Variants in MALRD1 observed in about 807,000 individuals in gnomAD.
The protein encoded by MALRD1 is MAM and LDL-receptor class A domain-containing protein 1.
A neutral mutation model predicts 242.1 loss-of-function variants in MALRD1; 247 were observed. The observed-to-expected ratio is 1.02, with a 90% CI of 0.92 to 1.13. The LOEUF is 1.13. Among genes scored for constraint, MALRD1 ranks in the 50% most tolerant of loss-of-function variants. The pLI is 0.00. For synonymous variants in MALRD1, 995 were observed against 866.6 expected, an observed-to-expected ratio of 1.15 and a Z score of -2.60; for missense variants, 2,989 against 2,533.1, an observed-to-expected ratio of 1.18 and a Z score of -3.86.
At chr10:19,121,028 G>A (rs1431407908) in intron 5 of MALRD1, among the ~76,000 whole-genome samples, 2 of 147,946 alleles carry the variant, frequency 1.4e-5, no homozygotes, top group Admixed American at 6.7e-5. Flanking sequence ...ACAGGCGTGA[G>A]CCACTGTGCC....
At position 19,547,993 on chromosome 10, in the gene MALRD1, C is replaced by CTTT. The variant is rs765509925; in HGVS notation, c.5478+16664_5478+16666dup. 2.2e-3 allele frequency among the ~76,000 whole-genome samples: 144 copies of CTTT among 65,782 alleles called. 2 individuals carry two copies. The highest frequency in any genetic ancestry group is 5.5e-3 in the African/African-American group (60 of 10,962). The allele number at this position is 65,782 out of a possible 152,430, so 43.2% of individuals were successfully genotyped here. A position where few individuals can be genotyped will look rare whatever the true frequency, so the allele number is the denominator to read the frequency against. On this transcript the variant is annotated intron_variant, in intron 32 of 39. Transcript: ENST00000454679. ...TTCAAGCTTTTCTCTTATCACTATA[C>CTTT]TTTTTTTTTTTTTTTTTTTTTTTTG...
At position 19,394,298 on chromosome 10, in the gene MALRD1, A is replaced by T. The variant is rs138824718; in HGVS notation, c.4845+4689A>T. ...ATGAAGGAAGTAAGAGTAAGAGGTT[A>T]TATTTCTTGCCTCAGCTCACATGGT... On this transcript the variant is annotated intron_variant, in intron 28 of 39. Coordinates refer to ENST00000454679, the MANE Select transcript of MALRD1 (RefSeq NM_001142308.3). Among the ~76,000 whole-genome samples, 508 of 152,320 alleles carry T rather than the reference A, an allele frequency of 3.3e-3. 4 individuals carry two copies. The highest frequency in any genetic ancestry group is 0.012 in the African/African-American group (491 of 41,580).
chr10:19,306,471 C>G (rs1239745452), intron 21 of MALRD1, among the ~76,000 whole-genome samples: 1 of 136,024 alleles, frequency 7.4e-6, no homozygotes. Flanking sequence ...CGTATATGTA[C>G]CGTGTATAGT....
chr10:19,306,101 G>GTATATATATACTATATAGTATATAGT (rs1564546829), intron 21 of MALRD1, among the ~76,000 whole-genome samples: 1 of 109,098 alleles, frequency 9.2e-6, no homozygotes, highest in Non-Finnish European at 1.7e-5. Flanking sequence ...CTATATACTA[G>GTATATATATACTATATAGTATATAGT]ATAGTATATA....
chr10:19,082,174 A>G (rs1434528308), intron 2 of MALRD1, among the ~76,000 whole-genome samples: 1 of 151,460 alleles, frequency 6.6e-6, no homozygotes, highest in African/African-American at 2.4e-5. Context: ...TTTTTACTAT[A>G]TATTTTTGAA....
At chr10:19,345,094 T>A (rs1000611896) in intron 24 of MALRD1, among the ~76,000 whole-genome samples, 6 of 152,154 alleles carry the variant, frequency 3.9e-5, no homozygotes, top group Non-Finnish European at 8.8e-5. Flanking sequence ...TTCCCCCTCA[T>A]CACAGTGACG....
At chr10:19,552,673 A>G (rs1336067411) in intron 32 of MALRD1, among the ~76,000 whole-genome samples, 1 of 152,052 alleles carries the variant, frequency 6.6e-6, no homozygotes, top group Non-Finnish European at 1.5e-5. Context: ...CTTTTATATA[A>G]GTTGATGAAT....
At chr10:19,554,960 G>A (rs1835650784) in intron 32 of MALRD1, among the ~76,000 whole-genome samples, 1 of 152,076 alleles carries the variant, frequency 6.6e-6, no homozygotes, top group Non-Finnish European at 1.5e-5. Flanking sequence ...GATCTTTGAG[G>A]AATCGCCATA....
chr10:19,170,942 A>C (rs1834894444), intron 13 of MALRD1, among the ~76,000 whole-genome samples: 4 of 152,106 alleles, frequency 2.6e-5, no homozygotes, highest in Admixed American at 2.6e-4. Context: ...TTCTTCAAAA[A>C]TTAATATATT....
At chr10:19,648,335 C>T (rs1265754797) in intron 36 of MALRD1, among the ~76,000 whole-genome samples, 1 of 152,100 alleles carries the variant, frequency 6.6e-6, no homozygotes, top group Non-Finnish European at 1.5e-5. Context: ...GAATCACACC[C>T]CAGAATAAGG....
At chr10:19,409,050 C>T (rs949642253) in intron 28 of MALRD1, among the ~76,000 whole-genome samples, 8 of 152,188 alleles carry the variant, frequency 5.3e-5, no homozygotes, top group Non-Finnish European at 1.0e-4. Flanking sequence ...CAACAACATT[C>T]TTTGTAACAG....
intron 22 of MALRD1, among the ~76,000 whole-genome samples, chr10:19,326,481 T>C (rs1379219782): frequency 6.6e-6 from 1 of 152,074 alleles, no homozygotes; most frequent in Non-Finnish European, 1.5e-5. Context: ...TTTTTCTCAG[T>C]GATTTGTATA....
chr10:19,133,904 G>C lies in MALRD1; in HGVS notation c.1159G>C (p.Val387Leu), dbSNP rs74120730. 4.5e-3 allele frequency: 5,520 copies of C among 1,230,918 alleles called. 183 individuals carry two copies. The African/African-American group carries it at 0.076, about 17-fold the overall frequency. 76.2% of individuals were successfully genotyped at this position (1,230,918 alleles called of 1,614,324 possible). A position where few individuals can be genotyped will look rare whatever the true frequency, so the allele number is the denominator to read the frequency against. The change falls in exon 9 of 40, where the codon GTG becomes CTG. Residue 387 changes from valine to leucine, a missense_variant. By Grantham distance (32) the Val-to-Leu change is conservative. Transcript: ENST00000454679. ...TYNISTHSQW[V>L]KADVLIPEDL... ...CAACATATCAACTCACAGCCAATGGGTGAAAGCAGATGTGTTAATACCAGA... is the reference window on the plus strand; with the variant it reads ...CAACATATCAACTCACAGCCAATGGCTGAAAGCAGATGTGTTAATACCAGA...
At chr10:19,585,187 G>A (rs4575140) in intron 33 of MALRD1, among the ~76,000 whole-genome samples, 12,442 of 151,946 alleles carry the variant, frequency 0.082, 1,273 homozygotes, top group African/African-American at 0.24. Flanking sequence ...CCAATTTGCC[G>A]GTCTGTGTCT....
At chr10:19,648,113 T>A (rs527690660) in intron 36 of MALRD1, among the ~76,000 whole-genome samples, 3 of 152,154 alleles carry the variant, frequency 2.0e-5, no homozygotes, top group Admixed American at 2.0e-4. Flanking sequence ...GTGTTCCACA[T>A]GCACAGTGCA....
In MALRD1 at chr10:19,238,469, A is replaced by T. The variant is rs561783993; in HGVS notation, c.2992-19215A>T. ...TACATTATATATAATATATAATATA[A>T]TATATAATATACATTATATATAATA... On this transcript the variant is annotated intron_variant, in intron 18 of 39. Transcript: ENST00000454679. Among the ~76,000 whole-genome samples the T allele has an allele frequency of 1.7e-3, 56 of 33,554 alleles. 8 individuals carry two copies. Among genetic ancestry groups the T allele is most frequent in the African/African-American group, 0.011 (53 of 5,010 alleles). 22.0% of individuals were successfully genotyped at this position (33,554 alleles called of 152,430 possible).
Position 19,069,504 on chromosome 10 carries a change from A to G in MALRD1, c.340+2645A>G, listed in dbSNP as rs151156158. Among the ~76,000 whole-genome samples, 25 of 152,072 alleles carry G rather than the reference A, an allele frequency of 1.6e-4. No individual in the cohort carries two copies. The South Asian group carries it at 2.3e-3, about 14-fold the overall frequency. On this transcript the variant is annotated intron_variant, in intron 2 of 39. Coordinates refer to ENST00000454679, the MANE Select transcript of MALRD1 (RefSeq NM_001142308.3). ...GCAGCACTCTTTATTTCTTCTACCT[A>G]TCTGAGTTTGTCTCTGGTATCATTT... is the stretch of plus-strand genomic sequence containing the variant.
chr10:19,359,890 C>T (rs371322246), intron 26 of MALRD1, among the ~76,000 whole-genome samples: 134 of 152,138 alleles, frequency 8.8e-4, no homozygotes, highest in African/African-American at 3.1e-3. Flanking sequence ...GCTCATCACA[C>T]GGATAGACAT....
At chr10:19,546,765 C>A (rs1172884778) in intron 32 of MALRD1, among the ~76,000 whole-genome samples, 1 of 152,156 alleles carries the variant, frequency 6.6e-6, no homozygotes, top group Non-Finnish European at 1.5e-5. Flanking sequence ...CTAACTATTT[C>A]TGTAAGCTAG....
Sources: allele counts gnomAD v4.1 joint callset (sites outside exome capture counted in the v4.1 genomes callset), GRCh38; gene constraint gnomAD v4.1.1; transcripts MANE v1.5; gene names NCBI Gene and HGNC (gene_info 2026-07-23, HGNC 2026-07-21).